POFUT2: variants seen among roughly 807,000 people sequenced by gnomAD.
POFUT2 encodes the protein protein O-fucosyltransferase 2, also known as GDP-fucose protein O-fucosyltransferase 2.
POFUT2 carries 30 observed loss-of-function variants against 55.0 expected under a neutral mutation model. That is an observed-to-expected ratio of 0.55 (90% CI 0.41 to 0.74). The LOEUF is 0.74. Ranked by LOEUF, POFUT2 falls within the 30% of genes least tolerant of loss-of-function variation. The pLI is 0.00. For synonymous variants in POFUT2, 267 were observed against 231.1 expected (o/e 1.16, Z -1.41); for missense variants, 524 against 562.6 (o/e 0.93, Z 0.69).
At chr21:45,286,061 G>T in intron 1 of POFUT2, 133 bp from the exon 2 acceptor site, 1 of 731,244 alleles carries the variant, frequency 1.4e-6, no homozygotes, top group East Asian at 2.5e-5. Flanking sequence ...TGAAGGCAGT[G>T]AGTGGCCTGT....
rs2093132804 is a variant in POFUT2 at position 45,264,061 on chromosome 21, A to T, written c.*1421T>A. ...GCACTGTTTCTAGAACAAATGGAAA[A>T]AGAATAAATATGTCATCATTTACCC... is the stretch of plus-strand genomic sequence containing the variant. On this transcript the variant is annotated 3_prime_UTR_variant, in exon 9 of 9. Coordinates refer to ENST00000349485, the MANE Select transcript of POFUT2 (RefSeq NM_133635.6). The T allele has an allele frequency of 1.3e-5, 2 of 152,272 alleles. No individual in the cohort carries two copies. Among genetic ancestry groups the T allele is most frequent in the Admixed American group, 1.3e-4 (2 of 15,292 alleles). 9.4% of individuals were successfully genotyped at this position (152,272 alleles called of 1,614,324 possible). A position where few individuals can be genotyped will look rare whatever the true frequency, so the allele number is the denominator to read the frequency against.
intron 6 of POFUT2, among the ~76,000 whole-genome samples, chr21:45,272,762 A>G (rs2093230011): frequency 6.6e-6 from 1 of 152,220 alleles, no homozygotes; most frequent in Non-Finnish European, 1.5e-5. Context: ...CCTCAAAACT[A>G]TACAAACACA....
rs1282851760 is a variant in POFUT2, at chr21:45,277,950, G to A, written c.705+153C>T. ...TGCAGCCACGTGAGGCTTGGGGGTGGCACAGTCACCGCAGTTGCCCAAATC... is the reference window on the plus strand; with the variant it reads ...TGCAGCCACGTGAGGCTTGGGGGTGACACAGTCACCGCAGTTGCCCAAATC... On this transcript the variant is annotated intron_variant, in intron 5 of 8. Transcript: ENST00000349485. This position sits in a 1 kb window ranked among gnomAD's most constrained non-coding sequence, Gnocchi z 6.9. Among the ~76,000 whole-genome samples, 1 of 152,232 alleles carries A rather than the reference G, an allele frequency of 6.6e-6. No individual in the cohort carries two copies. The highest frequency in any genetic ancestry group is 6.5e-5 in the Admixed American group (1 of 15,288).
intron 6 of POFUT2, among the ~76,000 whole-genome samples, chr21:45,273,539 G>A (rs1401017677): frequency 2.0e-5 from 3 of 152,060 alleles, no homozygotes; most frequent in Non-Finnish European, 4.4e-5. Flanking sequence ...CAATATCCCT[G>A]ATGAACATAG....
chr21:45,276,059 C>T (rs1008440600), intron 6 of POFUT2, among the ~76,000 whole-genome samples: 3 of 151,962 alleles, frequency 2.0e-5, no homozygotes, highest in African/African-American at 4.8e-5. Flanking sequence ...TGCGGTGGCA[C>T]GCGCCTGTGA....
Position 45,270,076 on chromosome 21 carries a change from T to C in POFUT2, c.832-57A>G. 1 of 1,420,102 alleles carries C rather than the reference T, an allele frequency of 7.0e-7. No individual in the cohort carries two copies. Among genetic ancestry groups the C allele is most frequent in the Non-Finnish European group, 9.3e-7 (1 of 1,073,290 alleles). 88.0% of individuals were successfully genotyped at this position (1,420,102 alleles called of 1,614,324 possible). A position where few individuals can be genotyped will look rare whatever the true frequency, so the allele number is the denominator to read the frequency against. On this transcript the variant is annotated intron_variant, in intron 6 of 8. Coordinates refer to ENST00000349485, the MANE Select transcript of POFUT2 (RefSeq NM_133635.6). The surrounding 1 kb of genome is among the most constrained non-coding windows in gnomAD (Gnocchi z 4.6). The stretch of plus-strand genomic sequence containing the variant: ...TGACAGGCGGGCTCGGGGCTCATCC[T>C]GGGCACCGGGTGGGACTCGAGACGC...
rs115550681 is a variant in POFUT2, at chr21:45,265,509, T to C, written c.1263A>G (p.Gln421=). Reference sequence around the variant, plus strand: ...AGTAGGTGATCTTCCAGTGGGTGGGTTGCTCACACGCCTTCTCTTGGTCTC... The same window carrying C: ...AGTAGGTGATCTTCCAGTGGGTGGGCTGCTCACACGCCTTCTCTTGGTCTC... ...FCGDQEKACE[Q]PTHWKITY The change falls in exon 9 of 9, where the codon CAA becomes CAG. Residue 421 remains glutamine, a synonymous_variant. Transcript: ENST00000349485. The surrounding 1 kb of genome is among the most constrained non-coding windows in gnomAD (Gnocchi z 4.6). The C allele has an allele frequency of 5.4e-5, 87 of 1,613,662 alleles. No homozygotes were observed. The African/African-American group carries it at 1.1e-3, about 20-fold the overall frequency.
At chr21:45,280,007 G>A (rs1045047529) in intron 4 of POFUT2, among the ~76,000 whole-genome samples, 3 of 152,192 alleles carry the variant, frequency 2.0e-5, no homozygotes, top group African/African-American at 7.2e-5. Context: ...TGCTTCTAAT[G>A]CCGTTTTAAG....
At position 45,277,158 on chromosome 21, in the gene POFUT2, C is replaced by T. The variant is rs371528582; in HGVS notation, c.706-16G>A. 1.6e-5 allele frequency: 26 copies of T among 1,609,896 alleles called. No homozygotes were observed. The highest frequency in any genetic ancestry group is 3.3e-4 in the Middle Eastern group (2 of 5,998). ...TGCGACGGGTCTGTGGAAACGGCGA[C>T]GGCTCGGCTGAGAACACGCCCGCCC... On this transcript the variant is annotated splice_polypyrimidine_tract_variant and intron_variant, in intron 5 of 8. Transcript: ENST00000349485. The surrounding 1 kb of genome is among the most constrained non-coding windows in gnomAD (Gnocchi z 6.9).
intron 8 of POFUT2, chr21:45,266,223 A>T: frequency 7.3e-7 from 1 of 1,367,590 alleles, no homozygotes; most frequent in Non-Finnish European, 9.8e-7. Context: ...GCGGCACTTC[A>T]TGAACTTCGT....
chr21:45,267,447 A>G lies in POFUT2; in HGVS notation c.1136+143T>C, dbSNP rs891245445. 8.1e-6 allele frequency: 13 copies of G among 1,613,710 alleles called. No individual in the cohort carries two copies. The highest frequency in any genetic ancestry group is 9.3e-6 in the Non-Finnish European group (11 of 1,179,764). ...GAAACACTGAACCAGATGCTACAGG[A>G]GACTCAGACGAGGAGGCAAACAGTA... On this transcript the variant is annotated intron_variant, in intron 8 of 8. Transcript: ENST00000349485. This position sits in a 1 kb window ranked among gnomAD's most constrained non-coding sequence, Gnocchi z 4.4.
chr21:45,287,800 C>G lies in POFUT2; in HGVS notation c.72G>C (p.Gln24His). The change falls in exon 1 of 9, where the codon CAG becomes CAC. Residue 24 changes from glutamine (Q) to histidine (H), a missense_variant. Coordinates refer to ENST00000349485, the MANE Select transcript of POFUT2 (RefSeq NM_133635.6). ...VSWPPASASGQEFWPGQSAAD... is the reference protein window; with the variant it reads ...VSWPPASASGHEFWPGQSAAD... ...CCGCCGATTGTCCGGGCCAGAACTCCTGGCCGGAGGCAGAAGCCGGAGGCC... is the reference window on the plus strand; with the variant it reads ...CCGCCGATTGTCCGGGCCAGAACTCGTGGCCGGAGGCAGAAGCCGGAGGCC... 6.6e-7 allele frequency: 1 copy of G among 1,509,868 alleles called. No individual in the cohort carries two copies. Among genetic ancestry groups the G allele is most frequent in the Non-Finnish European group, 8.9e-7 (1 of 1,125,308 alleles). 93.5% of individuals were successfully genotyped at this position (1,509,868 alleles called of 1,614,324 possible). A position where few individuals can be genotyped will look rare whatever the true frequency, so the allele number is the denominator to read the frequency against.
chr21:45,287,872 G>T lies in POFUT2; in HGVS notation c.-1C>A, dbSNP rs1018996272. 9.7e-6 allele frequency: 13 copies of T among 1,342,822 alleles called. No homozygotes were observed. The Admixed American group carries it at 4.3e-4, about 44-fold the overall frequency. 83.2% of individuals were successfully genotyped at this position (1,342,822 alleles called of 1,614,324 possible). On this transcript the variant is annotated 5_prime_UTR_variant, in exon 1 of 9. Coordinates refer to ENST00000349485, the MANE Select transcript of POFUT2 (RefSeq NM_133635.6). ...GGAAGACGAAGCTGAGTGTCGCCAT[G>T]GCCCCGGGCGGCCACGCACTTCCGG...
At position 45,265,275 on chromosome 21, in the gene POFUT2, G is replaced by A. The variant is rs113598166; in HGVS notation, c.*207C>T. The stretch of plus-strand genomic sequence containing the variant: ...AACAACCGCCACCCCCGAGAGCAGC[G>A]GAGCCTCTTCATCAGCCATGGCGGC... On this transcript the variant is annotated 3_prime_UTR_variant, in exon 9 of 9. Transcript: ENST00000349485. The surrounding 1 kb of genome is among the most constrained non-coding windows in gnomAD (Gnocchi z 4.6). 7.5e-3 allele frequency: 3,172 copies of A among 424,300 alleles called. 19 individuals are homozygous for A. Among genetic ancestry groups the A allele is most frequent in the Non-Finnish European group, 0.011 (2,736 of 241,172 alleles). 26.3% of individuals were successfully genotyped at this position (424,300 alleles called of 1,614,324 possible).
chr21:45,273,204 T>C (rs1468029623), intron 6 of POFUT2, among the ~76,000 whole-genome samples: 1 of 152,146 alleles, frequency 6.6e-6, no homozygotes, highest in Non-Finnish European at 1.5e-5. Context: ...AAACGGGAGA[T>C]ATTACAGTCG....
Position 45,267,281 on chromosome 21 carries a change from G to A in POFUT2, c.1136+309C>T, listed in dbSNP as rs1324490003. On this transcript the variant is annotated intron_variant, in intron 8 of 8. Coordinates refer to ENST00000349485, the MANE Select transcript of POFUT2 (RefSeq NM_133635.6). The surrounding 1 kb of genome is among the most constrained non-coding windows in gnomAD (Gnocchi z 4.4). ...CAACTCTCAGGGCAGGGGGCAGACA[G>A]GGGCAGAAACCGGGAATGATGGGAA... 1 of 1,445,984 alleles carries A rather than the reference G, an allele frequency of 6.9e-7. No individual in the cohort carries two copies. Among genetic ancestry groups the A allele is most frequent in the African/African-American group, 1.4e-5 (1 of 69,966 alleles). The allele number at this position is 1,445,984 out of a possible 1,614,324, so 89.6% of individuals were successfully genotyped here.
intron 6 of POFUT2, among the ~76,000 whole-genome samples, chr21:45,275,537 T>A (rs2093255023): frequency 6.6e-6 from 1 of 152,176 alleles, no homozygotes; most frequent in Non-Finnish European, 1.5e-5. Context: ...CATTGACCAA[T>A]GAGTGGATAA....
chr21:45,277,801 C>T lies in POFUT2; in HGVS notation c.705+302G>A, dbSNP rs1034508111. The stretch of plus-strand genomic sequence containing the variant: ...AAAGAGAGGAGAAAGGAGGGGTCTA[C>T]GTTCCAGCCACTGACGGAGTCACTG... On this transcript the variant is annotated intron_variant, in intron 5 of 8. Transcript: ENST00000349485. The surrounding 1 kb of genome is among the most constrained non-coding windows in gnomAD (Gnocchi z 6.9). The T allele has an allele frequency of 6.5e-6, 3 of 459,964 alleles. No homozygotes were observed. Among genetic ancestry groups the T allele is most frequent in the Non-Finnish European group, 1.2e-5 (3 of 255,350 alleles). The allele number at this position is 459,964 out of a possible 1,614,324, so 28.5% of individuals were successfully genotyped here.
At chr21:45,280,808 C>G (rs1281136703) in intron 4 of POFUT2, among the ~76,000 whole-genome samples, 1 of 152,172 alleles carries the variant, frequency 6.6e-6, no homozygotes, top group Non-Finnish European at 1.5e-5. Flanking sequence ...TCGCCTCACC[C>G]CAGGCTGCCC....
Sources: gnomAD v4.1 joint callset for allele counts (sites outside exome capture counted in the v4.1 genomes callset) on GRCh38, gnomAD v4.1.1 for gene constraint, Gnocchi (gnomAD v3.1) non-coding constraint, MANE v1.5 for transcripts, NCBI Gene and HGNC (gene_info 2026-07-23, HGNC 2026-07-21) for gene names.